WRN: variants seen among roughly 807,000 people sequenced by gnomAD.
WRN encodes WRN RecQ like helicase.
WRN carries 149 observed loss-of-function variants against 180.7 expected under a neutral mutation model. The observed-to-expected ratio is 0.82, with a 90% CI of 0.72 to 0.94. The LOEUF (loss-of-function observed/expected upper bound fraction) is 0.94. Ranked by LOEUF, WRN falls within the 40% of genes least tolerant of loss-of-function variation. The pLI is 0.00. For synonymous variants in WRN, 548 were observed against 568.9 expected (o/e 0.96, Z 0.52); for missense variants, 1,661 against 1,700.1 (o/e 0.98, Z 0.40).
At chr8:31,122,918 C>A (rs1256931893) in intron 21 of WRN, among the ~76,000 whole-genome samples, 1 of 67,698 alleles carries the variant, frequency 1.5e-5, no homozygotes, top group African/African-American at 5.2e-5. Context: ...ACTAAACAAA[C>A]AAAATAAAGC....
Position 31,058,390 on chromosome 8 carries a change from T to G in WRN, c.-58T>G. ...CTCTCAGTTTTCTTTCAGATATTGT[T>G]TTGTATTTACCCATGAAGACATTGT... On this transcript the variant is annotated 5_prime_UTR_variant, in exon 2 of 35. Transcript: ENST00000298139. 6.9e-7 allele frequency: 1 copy of G among 1,440,238 alleles called. No individual in the cohort carries two copies. The highest frequency in any genetic ancestry group is 1.2e-5 in the South Asian group (1 of 84,448). The allele number at this position is 1,440,238 out of a possible 1,614,324, so 89.2% of individuals were successfully genotyped here. A position where few individuals can be genotyped will look rare whatever the true frequency, so the allele number is the denominator to read the frequency against.
chr8:31,049,797 G>T (rs1469939703), intron 1 of WRN, among the ~76,000 whole-genome samples: 1 of 152,016 alleles, frequency 6.6e-6, no homozygotes. Context: ...AGGTATAATA[G>T]AAGTAAAAGA....
chr8:31,152,968 G>A (rs1220318641), intron 31 of WRN, among the ~76,000 whole-genome samples: 1 of 151,846 alleles, frequency 6.6e-6, no homozygotes, highest in Non-Finnish European at 1.5e-5. Context: ...GCTTGAGCCC[G>A]GGGATTTGAG....
At chr8:31,172,559 A>G (rs897880021) in intron 34 of WRN, among the ~76,000 whole-genome samples, 1 of 152,206 alleles carries the variant, frequency 6.6e-6, no homozygotes, top group Non-Finnish European at 1.5e-5. Flanking sequence ...CAGTCTGTCT[A>G]CCTACCGTTG....
chr8:31,124,780 A>C (rs1198732880), intron 22 of WRN, 128 bp from the exon 23 acceptor site: 1 of 1,198,784 alleles, frequency 8.3e-7, no homozygotes, highest in African/African-American at 1.5e-5. Context: ...GTGTCTGAGT[A>C]AACTGAAGTC....
chr8:31,067,390 G>A (rs1812753610), intron 6 of WRN, among the ~76,000 whole-genome samples: 2 of 152,114 alleles, frequency 1.3e-5, no homozygotes, highest in Admixed American at 1.3e-4. Context: ...ATTGTTCAAT[G>A]CTAGTTTATT....
At chr8:31,056,657 A>T (rs1188125680) in intron 1 of WRN, among the ~76,000 whole-genome samples, 2 of 152,210 alleles carry the variant, frequency 1.3e-5, no homozygotes, top group African/African-American at 4.8e-5. Context: ...GTAGTTTTGT[A>T]TGAACACTCT....
chr8:31,091,736 AATT>A, intron 15 of WRN, 91 bp from the exon 16 acceptor site: 1 of 1,238,932 alleles, frequency 8.1e-7, no homozygotes, highest in Non-Finnish European at 1.2e-6. Context: ...CAGGAATATA[AATT>A]ATTATATTTC....
intron 1 of WRN, among the ~76,000 whole-genome samples, chr8:31,047,811 TAGAGAAC>T (rs1456142344): frequency 6.6e-6 from 1 of 152,192 alleles, no homozygotes; most frequent in Non-Finnish European, 1.5e-5. Context: ...TATAGCTACT[TAGAGAAC>T]AGAGGAAATT....
chr8:31,116,447 A>C lies in WRN; in HGVS notation c.2367A>C (p.Leu789=), dbSNP rs908832604. 7 of 1,614,062 alleles carry C rather than the reference A, an allele frequency of 4.3e-6. No homozygotes were observed. The highest frequency in any genetic ancestry group is 5.9e-6 in the Non-Finnish European group (7 of 1,179,930). ...QVTGELRKLN[L]SCGTYHAGMS... is the part of the protein sequence containing the mutation. ...CAGGTGAACTTAGGAAACTGAATCT[A>C]TCCTGTGGAACATACCATGCGGGCA... The change falls in exon 20 of 35, where the codon CTA becomes CTC. Residue 789 remains leucine (L), a synonymous_variant. Transcript: ENST00000298139.
chr8:31,043,101 T>C (rs182220176), intron 1 of WRN, among the ~76,000 whole-genome samples: 1 of 152,332 alleles, frequency 6.6e-6, no homozygotes, highest in African/African-American at 2.4e-5. Context: ...TCAGGCAAGT[T>C]CACTCAGGGA....
rs1274396144 is a variant in WRN at position 31,173,628 on chromosome 8, AT to A, written c.*528del. On this transcript the variant is annotated 3_prime_UTR_variant, in exon 35 of 35. Coordinates refer to ENST00000298139, the MANE Select transcript of WRN (RefSeq NM_000553.6). ...AAAATGAAACCGCATTTTGGGTGCC[AT>A]TAAATAGGGAAAAAACATGTAAAAA... 2.3e-5 allele frequency: 4 copies of A among 171,404 alleles called. No homozygotes were observed. The highest frequency in any genetic ancestry group is 3.8e-5 in the Non-Finnish European group (3 of 79,516). The allele number at this position is 171,404 out of a possible 1,614,324, so 10.6% of individuals were successfully genotyped here.
chr8:31,172,933 C>A, intron 34 of WRN, 62 bp from the exon 35 acceptor site: 1 of 1,508,282 alleles, frequency 6.6e-7, no homozygotes, highest in Non-Finnish European at 9.2e-7. Flanking sequence ...TACTTTTTTG[C>A]AACTAATACC....
rs186637052 is a variant in WRN, at chr8:31,083,034, T to C, written c.1270-665T>C. Among the ~76,000 whole-genome samples, 1,374 of 152,332 alleles carry C rather than the reference T, an allele frequency of 9.0e-3. 19 individuals carry two copies. The highest frequency in any genetic ancestry group is 0.031 in the African/African-American group (1,283 of 41,566). ...GGTTAATTAAGGCTGTACTTCTTTT[T>C]CCTACTTCCTGTTTAAATATTTGGC... On this transcript the variant is annotated intron_variant, in intron 9 of 34. Transcript: ENST00000298139.
intron 1 of WRN, among the ~76,000 whole-genome samples, chr8:31,058,020 A>G (rs1247539896): frequency 1.3e-5 from 2 of 152,208 alleles, no homozygotes; most frequent in African/African-American, 4.8e-5. Flanking sequence ...TGCTGAATTT[A>G]CTTAGATCTT....
In WRN at chr8:31,174,871, T is replaced by G. The variant is rs6997945; in HGVS notation, c.*1769T>G. Reference sequence around the variant, plus strand: ...TCCCTCCTTTCTTTTTCTTTCTCTTTCTTTCTTTCTTTCTCTCTCTCTCTC... The same window carrying G: ...TCCCTCCTTTCTTTTTCTTTCTCTTGCTTTCTTTCTTTCTCTCTCTCTCTC... On this transcript the variant is annotated 3_prime_UTR_variant, in exon 35 of 35. Coordinates refer to ENST00000298139, the MANE Select transcript of WRN (RefSeq NM_000553.6). Among the ~76,000 whole-genome samples, 169 of 126,014 alleles carry G rather than the reference T, an allele frequency of 1.3e-3. No homozygotes were observed. The highest frequency in any genetic ancestry group is 4.7e-3 in the African/African-American group (165 of 34,842). The allele number at this position is 126,014 out of a possible 152,430, so 82.7% of individuals were successfully genotyped here.
intron 33 of WRN, among the ~76,000 whole-genome samples, chr8:31,164,372 TAG>T (rs1328115051): frequency 2.0e-5 from 3 of 152,226 alleles, no homozygotes; most frequent in East Asian, 1.9e-4. Context: ...CACAATAATT[TAG>T]AGTTTTAAAG....
chr8:31,078,281 A>G (rs1433994078), intron 8 of WRN, among the ~76,000 whole-genome samples: 2 of 152,204 alleles, frequency 1.3e-5, no homozygotes, highest in African/African-American at 4.8e-5. Flanking sequence ...CTCTTATTTC[A>G]TGCTCTTTGT....
intron 23 of WRN, among the ~76,000 whole-genome samples, chr8:31,125,302 T>G (rs1801876825): frequency 1.3e-5 from 2 of 151,172 alleles, no homozygotes; most frequent in African/African-American, 4.8e-5. Context: ...TTCTGTACGT[T>G]GTCCACAAGA....
Sources: allele counts gnomAD v4.1 joint callset (sites outside exome capture counted in the v4.1 genomes callset), GRCh38; gene constraint gnomAD v4.1.1; transcripts MANE v1.5; gene names NCBI Gene and HGNC (gene_info 2026-07-23, HGNC 2026-07-21).